The following ATL2 variants were observed in gnomAD, a reference collection of about 807,000 sequenced individuals.
ATL2 encodes atlastin-2.
Under a neutral mutation model 73.9 loss-of-function variants are expected in ATL2, and 31 were observed. The ratio of observed to expected loss-of-function variants is 0.42; its 90% CI spans 0.32 to 0.57. The LOEUF is 0.57. Ranked by LOEUF, ATL2 falls within the 20% of genes least tolerant of loss-of-function variation. ATL2 has a pLI of 0.14. For missense variants in ATL2, 738 were observed against 702.6 expected, an observed-to-expected ratio of 1.05 and a Z score of -0.57; for synonymous variants, 291 against 237.5, an observed-to-expected ratio of 1.23 and a Z score of -2.07.
chr2:38,352,133 CAAAAAAAAAAAA>C (rs778821586), intron 1 of ATL2, among the ~76,000 whole-genome samples: 8 of 32,000 alleles, frequency 2.5e-4, no homozygotes, highest in Admixed American at 1.1e-3. Flanking sequence ...AAACAACAAC[CAAAAAAAAAAAA>C]AAAAAAAAAA....
At chr2:38,378,169 C>T (rs975019765), upstream of ATL2, among the ~76,000 whole-genome samples, 5 of 152,182 alleles carry the variant, frequency 3.3e-5, no homozygotes, top group Admixed American at 6.5e-5. Flanking sequence ...ATTAGAAATT[C>T]CTCTTCTCCA....
intron 1 of ATL2, among the ~76,000 whole-genome samples, chr2:38,364,742 G>C (rs534416003): frequency 6.6e-6 from 1 of 152,128 alleles, no homozygotes; most frequent in Non-Finnish European, 1.5e-5. Flanking sequence ...TTCTCTTTTA[G>C]GCTCAAAAAA....
chr2:38,327,326 G>A (rs1022953573), intron 2 of ATL2, among the ~76,000 whole-genome samples: 1 of 151,958 alleles, frequency 6.6e-6, no homozygotes, highest in Non-Finnish European at 1.5e-5. Flanking sequence ...GGAGGAATTA[G>A]GAATACGCTA....
rs113624564 is a variant in ATL2, at chr2:38,325,044, T to G, written c.364-6025A>C. The stretch of plus-strand genomic sequence containing the variant: ...GGTTAAAGAGGTAAATTTTATGTTA[T>G]GTATATCTTACCACAATTTTAAAAA... On this transcript the variant is annotated intron_variant, in intron 2 of 12. Coordinates refer to ENST00000378954, the MANE Select transcript of ATL2 (RefSeq NM_001135673.4). Among the ~76,000 whole-genome samples, 782 of 152,360 alleles carry G rather than the reference T, an allele frequency of 5.1e-3. 3 individuals are homozygous for G. The highest frequency in any genetic ancestry group is 0.014 in the Admixed American group (220 of 15,302).
Position 38,377,268 on chromosome 2 carries a change from C to A in ATL2, c.-8G>T, listed in dbSNP as rs1672043944. On this transcript the variant is annotated 5_prime_UTR_variant, in exon 1 of 13. Coordinates refer to ENST00000378954, the MANE Select transcript of ATL2 (RefSeq NM_001135673.4). ...CTCGTCCCCCTCCGCCATCTTGTAC[C>A]GATTTAAAATTAACTCCCCACTGAC... 2 of 1,562,842 alleles carry A rather than the reference C, an allele frequency of 1.3e-6. No individual in the cohort carries two copies. Among genetic ancestry groups the A allele is most frequent in the African/African-American group, 1.4e-5 (1 of 73,296 alleles).
At position 38,316,973 on chromosome 2, in the gene ATL2, G is replaced by C. The variant is rs997409284; in HGVS notation, c.603+1562C>G. ...GGGTCCCCACCAGCGTCACTTAGTG[G>C]GTAATGACAAATATCCCAACCCTAT... On this transcript the variant is annotated intron_variant, in intron 4 of 12. Transcript: ENST00000378954. 5.3e-5 allele frequency among the ~76,000 whole-genome samples: 8 copies of C among 152,136 alleles called. No individual in the cohort carries two copies. The East Asian group carries it at 7.7e-4, about 15-fold the overall frequency.
intron 2 of ATL2, among the ~76,000 whole-genome samples, chr2:38,334,878 T>TAA (rs1669227029): frequency 7.4e-6 from 1 of 134,782 alleles, no homozygotes; most frequent in Non-Finnish European, 1.6e-5. Context: ...ATAATATATA[T>TAA]TATATAATAT....
intron 8 of ATL2, among the ~76,000 whole-genome samples, chr2:38,309,707 T>C (rs541020899): frequency 6.6e-6 from 1 of 152,250 alleles, no homozygotes; most frequent in South Asian, 2.1e-4. Flanking sequence ...CTAGCCCATT[T>C]TCCCCAACCC....
intron 10 of ATL2, among the ~76,000 whole-genome samples, chr2:38,299,543 T>C (rs1398685584): frequency 6.6e-6 from 1 of 152,136 alleles, no homozygotes; most frequent in Non-Finnish European, 1.5e-5. Context: ...TTTGCTTAGG[T>C]TGATGTTAAA....
intron 2 of ATL2, among the ~76,000 whole-genome samples, chr2:38,329,457 A>G (rs976896998): frequency 6.7e-6 from 1 of 150,110 alleles, no homozygotes; most frequent in Non-Finnish European, 1.5e-5. Flanking sequence ...AAAAAGATCA[A>G]TAAATAACCT....
intron 11 of ATL2, among the ~76,000 whole-genome samples, chr2:38,298,853 A>G (rs1245850886): frequency 6.6e-6 from 1 of 152,214 alleles, no homozygotes; most frequent in African/African-American, 2.4e-5. Flanking sequence ...ATCATATACC[A>G]TAATAGCACA....
intron 1 of ATL2, among the ~76,000 whole-genome samples, chr2:38,350,696 T>G (rs1254498671): frequency 6.6e-6 from 1 of 152,052 alleles, no homozygotes; most frequent in Non-Finnish European, 1.5e-5. Context: ...ACAGTGTGTA[T>G]ATGGAGTGGC....
intron 9 of ATL2, among the ~76,000 whole-genome samples, chr2:38,300,649 C>CT (rs915637947): frequency 3.3e-5 from 5 of 151,836 alleles, no homozygotes; most frequent in African/African-American, 9.7e-5. Flanking sequence ...TTTTAAAAAA[C>CT]TTTTTTTTCT....
chr2:38,320,727 A>T (rs1469626585), intron 2 of ATL2, among the ~76,000 whole-genome samples: 1 of 152,212 alleles, frequency 6.6e-6, no homozygotes, highest in Non-Finnish European at 1.5e-5. Context: ...ATAAGCTTGG[A>T]TATCTAGTCT....
chr2:38,331,612 C>CAAAAAA (rs35381890), intron 2 of ATL2, among the ~76,000 whole-genome samples: 1 of 92,138 alleles, frequency 1.1e-5, no homozygotes, highest in Non-Finnish European at 2.2e-5. Context: ...GACTCCATCT[C>CAAAAAA]AAAAAAAAAA....
At chr2:38,343,578 A>G in intron 1 of ATL2, 66 bp from the exon 2 acceptor site, 1 of 1,465,160 alleles carries the variant, frequency 6.8e-7, no homozygotes, top group Non-Finnish European at 9.3e-7. Context: ...ATTAAGGACC[A>G]CAACTAAAGC....
chr2:38,344,839 G>A (rs1006634089), intron 1 of ATL2, among the ~76,000 whole-genome samples: 16 of 152,140 alleles, frequency 1.1e-4, no homozygotes, highest in African/African-American at 3.6e-4. Context: ...ATCTCCCACT[G>A]GAGCTCTTTC....
chr2:38,374,097 G>C (rs555901772), intron 1 of ATL2, among the ~76,000 whole-genome samples: 7 of 152,140 alleles, frequency 4.6e-5, no homozygotes, highest in Admixed American at 1.3e-4. Context: ...CTCCATGTTG[G>C]TCAGGCTGGT....
At chr2:38,377,378 C>T (rs1672054310), upstream of ATL2, 3 of 752,818 alleles carry the variant, frequency 4.0e-6, no homozygotes, top group Non-Finnish European at 6.1e-6. Flanking sequence ...GCCTGTATCT[C>T]CTCGCCCTCC....
Sources: gnomAD v4.1 joint callset for allele counts (sites outside exome capture counted in the v4.1 genomes callset) on GRCh38, gnomAD v4.1.1 for gene constraint, MANE v1.5 for transcripts, NCBI Gene and HGNC (gene_info 2026-07-23, HGNC 2026-07-21) for gene names.